SH3PXD2B: variants seen among roughly 807,000 people sequenced by gnomAD.
The protein encoded by SH3PXD2B is SH3 and PX domains 2B.
A neutral mutation model predicts 73.1 loss-of-function variants in SH3PXD2B; 37 were observed. The ratio of observed to expected loss-of-function variants is 0.51; its 90% CI spans 0.39 to 0.67. The LOEUF is 0.67. Ranked by LOEUF, SH3PXD2B falls within the 30% of genes least tolerant of loss-of-function variation. The pLI is 0.00. For synonymous variants in SH3PXD2B, 457 were observed against 480.5 expected (o/e 0.95, Z 0.64); for missense variants, 1,053 against 1,197.8 (o/e 0.88, Z 1.78).
At chr5:172,363,656 G>A (rs551340835) in intron 6 of SH3PXD2B, among the ~76,000 whole-genome samples, 3 of 152,112 alleles carry the variant, frequency 2.0e-5, no homozygotes, top group South Asian at 4.2e-4. Flanking sequence ...GAAGAGCAGC[G>A]TAGGCACACT....
rs756344289 is a variant in SH3PXD2B at position 172,338,923 on chromosome 5, C to G, written c.2182G>C (p.Ala728Pro). 5 of 1,614,114 alleles carry G rather than the reference C, an allele frequency of 3.1e-6. No individual in the cohort carries two copies. Among genetic ancestry groups the G allele is most frequent in the South Asian group, 1.1e-5 (1 of 91,086 alleles). The change falls in exon 13 of 13, where the codon GCC becomes CCC. Residue 728 changes from alanine (A) to proline (P), a missense_variant. Coordinates refer to ENST00000311601, the MANE Select transcript of SH3PXD2B (RefSeq NM_001017995.3). This position sits in a 1 kb window ranked among gnomAD's most constrained non-coding sequence, Gnocchi z 5.1. Reference protein sequence around the residue: ...GLSPKEISCRAPPRPAKTTDP... With the variant: ...GLSPKEISCRPPPRPAKTTDP... Reference sequence around the variant, plus strand: ...GTGGTCTTGGCTGGCCTCGGAGGGGCTCTGCAGGAAATCTCTTTTGGGCTG... The same window carrying G: ...GTGGTCTTGGCTGGCCTCGGAGGGGGTCTGCAGGAAATCTCTTTTGGGCTG...
intron 3 of SH3PXD2B, among the ~76,000 whole-genome samples, chr5:172,396,974 G>C (rs1003893787): frequency 6.6e-6 from 1 of 152,106 alleles, no homozygotes; most frequent in Non-Finnish European, 1.5e-5. Flanking sequence ...AGATGAATAC[G>C]TATCACAAAG....
At chr5:172,418,895 T>A (rs1758887657) in intron 2 of SH3PXD2B, among the ~76,000 whole-genome samples, 3 of 151,642 alleles carry the variant, frequency 2.0e-5, no homozygotes, top group Admixed American at 1.3e-4. Flanking sequence ...AACAGGAGAG[T>A]GGAAGGAACA....
chr5:172,376,675 T>G (rs1300073671), intron 5 of SH3PXD2B, among the ~76,000 whole-genome samples: 1 of 152,154 alleles, frequency 6.6e-6, no homozygotes, highest in Non-Finnish European at 1.5e-5. Flanking sequence ...TCACTGAGGT[T>G]GACCTTCACA....
downstream of SH3PXD2B, among the ~76,000 whole-genome samples, chr5:172,329,055 G>GTATA (rs1160793543): frequency 2.6e-5 from 3 of 117,288 alleles, no homozygotes; most frequent in Non-Finnish European, 5.1e-5. Context: ...ATGTGTGTGT[G>GTATA]TGTGTATATA....
chr5:172,388,363 T>A (rs868202622), intron 4 of SH3PXD2B, among the ~76,000 whole-genome samples: 3 of 152,330 alleles, frequency 2.0e-5, no homozygotes, highest in Middle Eastern at 3.4e-3. Context: ...CCAAATGTCA[T>A]GTAACAGCCT....
chr5:172,398,370 G>A (rs1758353064), intron 3 of SH3PXD2B, among the ~76,000 whole-genome samples: 1 of 152,180 alleles, frequency 6.6e-6, no homozygotes, highest in South Asian at 2.1e-4. Flanking sequence ...ATTATCAATG[G>A]AAAGTACTTC....
chr5:172,375,157 G>C (rs1026849956), intron 5 of SH3PXD2B, among the ~76,000 whole-genome samples: 1 of 152,132 alleles, frequency 6.6e-6, no homozygotes, highest in South Asian at 2.1e-4. Flanking sequence ...GTCAGGAGTT[G>C]GAGACCAGCC....
intron 1 of SH3PXD2B, among the ~76,000 whole-genome samples, chr5:172,436,957 A>G (rs1759403231): frequency 6.6e-6 from 1 of 152,174 alleles, no homozygotes; most frequent in Non-Finnish European, 1.5e-5. Flanking sequence ...GAAGGCAGCT[A>G]GCTGTTAAGA....
chr5:172,368,768 T>C (rs1166777147), intron 6 of SH3PXD2B, among the ~76,000 whole-genome samples: 1 of 121,848 alleles, frequency 8.2e-6, no homozygotes, highest in Non-Finnish European at 1.6e-5. Context: ...TAATATATAA[T>C]ATACATATAT....
intron 12 of SH3PXD2B, among the ~76,000 whole-genome samples, chr5:172,326,772 G>A (rs540373038): frequency 3.8e-4 from 58 of 151,788 alleles, no homozygotes; most frequent in African/African-American, 1.4e-3. Flanking sequence ...TTGCCCCTTG[G>A]TTTGCAAAGC....
chr5:172,372,347 G>A (rs532017687), intron 6 of SH3PXD2B, among the ~76,000 whole-genome samples: 22 of 151,974 alleles, frequency 1.4e-4, no homozygotes, highest in Admixed American at 9.8e-4. Flanking sequence ...CTCTCTCTTG[G>A]TCCTGCTCCT....
At chr5:172,362,686 G>A in intron 7 of SH3PXD2B, 49 bp downstream of exon 7, 1 of 1,613,696 alleles carries the variant, frequency 6.2e-7, no homozygotes, top group Non-Finnish European at 8.5e-7. Flanking sequence ...TCATGTCCCA[G>A]GGGCTTGGTG....
chr5:172,348,659 CTATCTATCTATCTAT>C lies in SH3PXD2B; in HGVS notation c.1013-1342_1013-1328del, dbSNP rs1757064653. ...CTATGTATCTATCTATCTATCCTAT[CTATCTATCTATCTAT>C]CTATCTATCTATCTATCTATCTATC... On this transcript the variant is annotated intron_variant, in intron 10 of 12. Coordinates refer to ENST00000311601, the MANE Select transcript of SH3PXD2B (RefSeq NM_001017995.3). 1.5e-4 allele frequency among the ~76,000 whole-genome samples: 16 copies of C among 107,784 alleles called. 2 individuals are homozygous for C. Among genetic ancestry groups the C allele is most frequent in the African/African-American group, 5.2e-4 (16 of 30,646 alleles). 70.7% of individuals were successfully genotyped at this position (107,784 alleles called of 152,430 possible). A position where few individuals can be genotyped will look rare whatever the true frequency, so the allele number is the denominator to read the frequency against.
intron 4 of SH3PXD2B, among the ~76,000 whole-genome samples, chr5:172,382,517 C>A (rs756904094): frequency 2.0e-5 from 3 of 151,456 alleles, no homozygotes; most frequent in African/African-American, 7.3e-5. Flanking sequence ...ATGTGCATTT[C>A]TAAAAAAGTT....
At chr5:172,349,045 G>A (rs1561897164) in intron 10 of SH3PXD2B, among the ~76,000 whole-genome samples, 1 of 152,132 alleles carries the variant, frequency 6.6e-6, no homozygotes, top group African/African-American at 2.4e-5. Context: ...CATTGAGGCT[G>A]CAGATTTTCA....
At chr5:172,433,639 G>T (rs551978051) in intron 1 of SH3PXD2B, among the ~76,000 whole-genome samples, 117 of 152,274 alleles carry the variant, frequency 7.7e-4, no homozygotes, top group African/African-American at 2.7e-3. Flanking sequence ...TGCCCAGAGT[G>T]GGGGTGGGAG....
chr5:172,416,330 A>AC (rs1758818934), intron 2 of SH3PXD2B, among the ~76,000 whole-genome samples: 3 of 107,198 alleles, frequency 2.8e-5, no homozygotes, highest in South Asian at 3.5e-4. Flanking sequence ...CCCTGTCTCT[A>AC]CTTTTTTTTT....
chr5:172,384,500 C>T (rs187252112), intron 4 of SH3PXD2B, among the ~76,000 whole-genome samples: 19 of 152,258 alleles, frequency 1.2e-4, no homozygotes, highest in African/African-American at 2.9e-4. Flanking sequence ...AACTCTGTAC[C>T]CATTAAACAA....
Sources: gnomAD v4.1 joint callset for allele counts (sites outside exome capture counted in the v4.1 genomes callset) on GRCh38, gnomAD v4.1.1 for gene constraint, Gnocchi (gnomAD v3.1) non-coding constraint, MANE v1.5 for transcripts, NCBI Gene and HGNC (gene_info 2026-07-23, HGNC 2026-07-21) for gene names.